GLP1R: variants seen among roughly 807,000 people sequenced by gnomAD.
The protein encoded by GLP1R is glucagon like peptide 1 receptor, also known as glucagon-like peptide 1 receptor.
GLP1R carries 32 observed loss-of-function variants against 68.4 expected under a neutral mutation model. That is an observed-to-expected ratio of 0.47 (90% CI 0.35 to 0.63). The LOEUF (loss-of-function observed/expected upper bound fraction) is 0.63, where lower values mean the gene tolerates loss of function less well. GLP1R is among the 20% of genes least tolerant of loss of function. The pLI is 0.00. For missense variants in GLP1R, 502 were observed against 594.9 expected, an observed-to-expected ratio of 0.84 and a Z score of 1.62; for synonymous variants, 263 against 244.4, an observed-to-expected ratio of 1.08 and a Z score of -0.71.
At chr6:39,077,862 G>T (rs1321573511) in intron 7 of GLP1R, among the ~76,000 whole-genome samples, 2 of 152,224 alleles carry the variant, frequency 1.3e-5, no homozygotes, top group Non-Finnish European at 2.9e-5. Flanking sequence ...TGGTAGGGAA[G>T]AGATGACTGA....
At chr6:39,080,799 AG>A (rs1768987499) in intron 12 of GLP1R, 60 bp downstream of exon 12, 2 of 1,076,998 alleles carry the variant, frequency 1.9e-6, no homozygotes, top group South Asian at 3.0e-5. Context: ...GCCCGTCTGG[AG>A]TAGTACAATG....
At position 39,089,712 on chromosome 6, in the gene GLP1R, G is replaced by T. The variant is rs935266291; in HGVS notation, c.*3639G>T. Among the ~76,000 whole-genome samples, 2 of 152,108 alleles carry T rather than the reference G, an allele frequency of 1.3e-5. No homozygotes were observed. Among genetic ancestry groups the T allele is most frequent in the African/African-American group, 2.4e-5 (1 of 41,426 alleles). On this transcript the variant is annotated 3_prime_UTR_variant, in exon 13 of 13. Transcript: ENST00000373256. The surrounding 1 kb of genome is among the most constrained non-coding windows in gnomAD (Gnocchi z 4.1). ...TGATGACTCCAGAATCATCACACCC[G>T]CTGTGCAGGTCATAGGACCGCACAC...
chr6:39,071,363 A>G (rs13198708), intron 5 of GLP1R, among the ~76,000 whole-genome samples: 1 of 151,170 alleles, frequency 6.6e-6, no homozygotes, highest in African/African-American at 2.4e-5. Flanking sequence ...AAAAAAAAAA[A>G]AAAAGAAAGA....
At chr6:39,054,520 G>C (rs1342524055) in intron 1 of GLP1R, among the ~76,000 whole-genome samples, 3 of 152,184 alleles carry the variant, frequency 2.0e-5, no homozygotes, top group Non-Finnish European at 2.9e-5. Context: ...GCCCCAGTCT[G>C]AATATAGTTT....
intron 7 of GLP1R, 122 bp from the exon 8 acceptor site, chr6:39,078,200 G>C (rs1158057643): frequency 4.0e-6 from 3 of 743,938 alleles, no homozygotes; most frequent in Non-Finnish European, 7.3e-6. Context: ...AACATAGTTG[G>C]AGGCCAGGCA....
intron 12 of GLP1R, among the ~76,000 whole-genome samples, chr6:39,084,378 G>T (rs1172020880): frequency 6.6e-6 from 1 of 152,196 alleles, no homozygotes. Context: ...GGAGATGGGG[G>T]CAGAAGGAGA....
intron 12 of GLP1R, among the ~76,000 whole-genome samples, chr6:39,085,226 T>G (rs1562020537): frequency 6.6e-6 from 1 of 152,202 alleles, no homozygotes; most frequent in Non-Finnish European, 1.5e-5. Context: ...TGAGAGGCTT[T>G]TCCTGATGGG....
chr6:39,073,853 C>A, intron 7 of GLP1R, 84 bp downstream of exon 7: 1 of 1,268,800 alleles, frequency 7.9e-7, no homozygotes, highest in South Asian at 1.3e-5. Context: ...ACTTGGAACG[C>A]ACTGCTGAGC....
At position 39,088,822 on chromosome 6, in the gene GLP1R, A is replaced by C. The variant is rs1349316174; in HGVS notation, c.*2749A>C. 6.6e-6 allele frequency among the ~76,000 whole-genome samples: 1 copy of C among 152,022 alleles called. No individual in the cohort carries two copies. The highest frequency in any genetic ancestry group is 1.5e-5 in the Non-Finnish European group (1 of 67,998). On this transcript the variant is annotated 3_prime_UTR_variant, in exon 13 of 13. Coordinates refer to ENST00000373256, the MANE Select transcript of GLP1R (RefSeq NM_002062.5). ...CTGGGAGAGCTCTGAGCAGAGAAAG[A>C]CCTTGGTGATCCCCCCTGGCCCGAT...
At chr6:39,065,969 A>G in intron 4 of GLP1R, 140 bp downstream of exon 4, 5 of 650,450 alleles carry the variant, frequency 7.7e-6, no homozygotes, top group Non-Finnish European at 8.4e-6. Flanking sequence ...TTTGCACACC[A>G]TGCTTTCTGG....
At chr6:39,081,223 G>A (rs993045176) in intron 12 of GLP1R, among the ~76,000 whole-genome samples, 35 of 152,272 alleles carry the variant, frequency 2.3e-4, no homozygotes, top group Admixed American at 2.0e-4. Flanking sequence ...AAAGAGTCAG[G>A]AACCTGCCCT....
At chr6:39,072,439 T>C (rs2150831764) in intron 5 of GLP1R, among the ~76,000 whole-genome samples, 1 of 152,356 alleles carries the variant, frequency 6.6e-6, no homozygotes, top group Non-Finnish European at 1.5e-5. Context: ...ATATTAAAAC[T>C]CTATCCAATA....
chr6:39,055,423 AC>A (rs1768188346), intron 1 of GLP1R, among the ~76,000 whole-genome samples: 1 of 152,146 alleles, frequency 6.6e-6, no homozygotes, highest in Non-Finnish European at 1.5e-5. Flanking sequence ...AAGAACGACA[AC>A]CCCAAGACAT....
At chr6:39,077,635 A>G (rs1477920836) in intron 7 of GLP1R, among the ~76,000 whole-genome samples, 1 of 152,278 alleles carries the variant, frequency 6.6e-6, no homozygotes, top group Non-Finnish European at 1.5e-5. Context: ...AACGTGGACT[A>G]ACTACCCAAG....
intron 3 of GLP1R, among the ~76,000 whole-genome samples, chr6:39,064,525 G>T (rs874899): frequency 0.046 from 6,964 of 151,926 alleles, 230 homozygotes; most frequent in East Asian, 0.11. Flanking sequence ...TCTTCCTACA[G>T]GTCAATATCC....
In GLP1R at chr6:39,086,826, G is replaced by A. The variant is rs1001768055; in HGVS notation, c.*753G>A. 1.3e-5 allele frequency: 2 copies of A among 152,604 alleles called. No individual in the cohort carries two copies. The highest frequency in any genetic ancestry group is 6.5e-5 in the Admixed American group (1 of 15,268). 9.5% of individuals were successfully genotyped at this position (152,604 alleles called of 1,614,324 possible). A position where few individuals can be genotyped will look rare whatever the true frequency, so the allele number is the denominator to read the frequency against. ...AGAGAATCAGGGCAGGCTTGCCACC[G>A]GGGAACCCAGCCCTGGGGTATGAGC... is the stretch of plus-strand genomic sequence containing the variant. On this transcript the variant is annotated 3_prime_UTR_variant, in exon 13 of 13. Transcript: ENST00000373256. This position sits in a 1 kb window ranked among gnomAD's most constrained non-coding sequence, Gnocchi z 4.5.
At chr6:39,074,590 T>A (rs1259900375) in intron 7 of GLP1R, among the ~76,000 whole-genome samples, 2 of 152,028 alleles carry the variant, frequency 1.3e-5, no homozygotes, top group Non-Finnish European at 2.9e-5. Context: ...TCCCCCGCCC[T>A]GCTTGCCACT....
chr6:39,082,636 A>G (rs1247448709), intron 12 of GLP1R, among the ~76,000 whole-genome samples: 1 of 152,190 alleles, frequency 6.6e-6, no homozygotes, highest in Non-Finnish European at 1.5e-5. Context: ...CAAACGAGGA[A>G]GTGCAAAAAC....
intron 5 of GLP1R, among the ~76,000 whole-genome samples, chr6:39,072,066 G>A (rs1203514784): frequency 1.3e-5 from 2 of 152,068 alleles, no homozygotes; most frequent in Non-Finnish European, 2.9e-5. Context: ...TTTTAACGCA[G>A]GCATATACAA....
Sources: allele counts gnomAD v4.1 joint callset (sites outside exome capture counted in the v4.1 genomes callset), GRCh38; gene constraint gnomAD v4.1.1; non-coding constraint Gnocchi (gnomAD v3.1); transcripts MANE v1.5; gene names NCBI Gene and HGNC (gene_info 2026-07-23, HGNC 2026-07-21).